FLT1: variants seen among roughly 807,000 people sequenced by gnomAD.
FLT1 encodes the protein fms related receptor tyrosine kinase 1.
In FLT1, 49 loss-of-function variants were observed where a neutral mutation model predicts 156.3. The ratio of observed to expected loss-of-function variants is 0.31; its 90% confidence interval spans 0.25 to 0.40. The LOEUF (loss-of-function observed/expected upper bound fraction) is 0.40, where lower values mean the gene tolerates loss of function less well. Among genes scored for constraint, FLT1 ranks in the 10% least tolerant of loss-of-function variants. FLT1 has a pLI of 1.00. For missense variants in FLT1, 1,322 were observed against 1,637.2 expected (o/e 0.81, Z 3.32); for synonymous variants, 594 against 583.8 (o/e 1.02, Z -0.25).
At chr13:28,340,369 C>T (rs1253690057) in intron 16 of FLT1, among the ~76,000 whole-genome samples, 1 of 152,088 alleles carries the variant, frequency 6.6e-6, no homozygotes, top group Admixed American at 6.5e-5. Flanking sequence ...CTTGGTAATG[C>T]AAATCAAGCC....
intron 28 of FLT1, among the ~76,000 whole-genome samples, chr13:28,307,226 C>T (rs771231603): frequency 6.6e-6 from 1 of 152,108 alleles, no homozygotes; most frequent in Non-Finnish European, 1.5e-5. Flanking sequence ...CAGCCCCCAG[C>T]CCTTGGTCAT....
At chr13:28,469,903 A>T (rs1200229499) in intron 1 of FLT1, among the ~76,000 whole-genome samples, 1 of 151,992 alleles carries the variant, frequency 6.6e-6, no homozygotes, top group Non-Finnish European at 1.5e-5. Context: ...ACAGGTGCGC[A>T]TCATCAGCGT....
intron 13 of FLT1, chr13:28,386,040 A>G (rs1874342672): frequency 1.9e-6 from 2 of 1,053,616 alleles, no homozygotes; most frequent in East Asian, 1.1e-4. Flanking sequence ...AAATCAAAAG[A>G]GTTTTGGCAT....
chr13:28,373,520 G>T (rs1873712874), intron 14 of FLT1, among the ~76,000 whole-genome samples: 1 of 152,100 alleles, frequency 6.6e-6, no homozygotes, highest in African/African-American at 2.4e-5. Context: ...GCCACTTTAG[G>T]TCCTGATTAA....
At chr13:28,441,767 C>A (rs1301017277) in intron 3 of FLT1, among the ~76,000 whole-genome samples, 1 of 152,056 alleles carries the variant, frequency 6.6e-6, no homozygotes, top group Non-Finnish European at 1.5e-5. Flanking sequence ...ATAGCAAGAT[C>A]CCTTCTCTGC....
intron 3 of FLT1, among the ~76,000 whole-genome samples, chr13:28,451,094 T>C (rs1827264914): frequency 6.6e-6 from 1 of 152,168 alleles, no homozygotes; most frequent in Non-Finnish European, 1.5e-5. Flanking sequence ...TGTAAGGTGC[T>C]GAGGACTTTT....
chr13:28,311,188 C>T (rs1025056723), intron 27 of FLT1, among the ~76,000 whole-genome samples: 1 of 152,174 alleles, frequency 6.6e-6, no homozygotes, highest in Non-Finnish European at 1.5e-5. Flanking sequence ...AACTCCTAGG[C>T]TCAAGTGATC....
rs770939728 is a variant in FLT1 at position 28,431,180 on chromosome 13, C to T, written c.944G>A (p.Ser315Asn). ...DKGLYTCRVR[S>N]GPSFKSVNTS... is the part of the protein sequence containing the mutation. ...GTTAACAGATTTGAATGATGGTCCA[C>T]TCCTTACACGACAAGTATAAAGTCC... The change falls in exon 7 of 30, where the codon AGT (serine) becomes AAT (asparagine). Residue 315 changes from serine (S) to asparagine (N), a missense_variant. Coordinates refer to ENST00000282397, the MANE Select transcript of FLT1 (RefSeq NM_002019.4). 13 of 1,613,936 alleles carry T rather than the reference C, an allele frequency of 8.1e-6. No individual in the cohort carries two copies. The highest frequency in any genetic ancestry group is 1.6e-4 in the Middle Eastern group (1 of 6,062).
Position 28,451,359 on chromosome 13 carries a change from G to GT in FLT1, c.389-13015dup, listed in dbSNP as rs566438771. ...AATCGCTTCAACCTGGGAGACAGAG[G>GT]TTGCAGTGAGCTGAGATCGTGCCAC... On this transcript the variant is annotated intron_variant, in intron 3 of 29. Coordinates refer to ENST00000282397, the MANE Select transcript of FLT1 (RefSeq NM_002019.4). 1.3e-4 allele frequency among the ~76,000 whole-genome samples: 20 copies of GT among 152,372 alleles called. No individual in the cohort carries two copies. In the South Asian group the frequency reaches 4.1e-3, roughly 32 times the overall value.
At position 28,439,272 on chromosome 13, in the gene FLT1, G is replaced by A. The variant is rs146786672; in HGVS notation, c.389-927C>T. ...CTTCGGGAGTCATTGTGTTCTGATC[G>A]TCCCGCATTTGTTCCAGCCTTATAT... is the stretch of plus-strand genomic sequence containing the variant. On this transcript the variant is annotated intron_variant, in intron 3 of 29. Coordinates refer to ENST00000282397, the MANE Select transcript of FLT1 (RefSeq NM_002019.4). The surrounding 1 kb of genome is among the most constrained non-coding windows in gnomAD (Gnocchi z 4.1). 2.9e-4 allele frequency among the ~76,000 whole-genome samples: 44 copies of A among 152,210 alleles called. No homozygotes were observed. The East Asian group carries it at 3.1e-3, about 11-fold the overall frequency.
chr13:28,359,284 G>T (rs1873022054), intron 14 of FLT1, among the ~76,000 whole-genome samples: 1 of 152,180 alleles, frequency 6.6e-6, no homozygotes, highest in Admixed American at 6.5e-5. Flanking sequence ...ACACAATGGG[G>T]AAAGGACAGT....
chr13:28,312,540 A>G (rs1871048129), intron 25 of FLT1, among the ~76,000 whole-genome samples: 1 of 152,228 alleles, frequency 6.6e-6, no homozygotes, highest in African/African-American at 2.4e-5. Context: ...ACAGCCATAA[A>G]TATCAATGGC....
chr13:28,481,118 G>A (rs916060210), intron 1 of FLT1, among the ~76,000 whole-genome samples: 1 of 152,176 alleles, frequency 6.6e-6, no homozygotes, highest in Admixed American at 6.5e-5. Flanking sequence ...GGCTCTGTTG[G>A]TGTACCTAGA....
At position 28,304,510 on chromosome 13, in the gene FLT1, GTTT is replaced by G. The variant is rs373993107; in HGVS notation, c.3816-1145_3816-1143del. Among the ~76,000 whole-genome samples the G allele has an allele frequency of 2.1e-5, 3 of 144,746 alleles. No individual in the cohort carries two copies. The Admixed American group carries it at 2.1e-4, about 10-fold the overall frequency. 95.0% of individuals were successfully genotyped at this position (144,746 alleles called of 152,430 possible). Reference sequence around the variant, plus strand: ...ACCCATATCTGCCCACCTGTCTGGTGTTTTTTTTTTTAATGAGAGCTTTATGGA... The same window carrying G: ...ACCCATATCTGCCCACCTGTCTGGTGTTTTTTTTAATGAGAGCTTTATGGA... On this transcript the variant is annotated intron_variant, in intron 29 of 29. Coordinates refer to ENST00000282397, the MANE Select transcript of FLT1 (RefSeq NM_002019.4).
intron 18 of FLT1, among the ~76,000 whole-genome samples, chr13:28,333,194 G>A (rs1036042277): frequency 4.6e-5 from 7 of 152,180 alleles, no homozygotes; most frequent in African/African-American, 9.7e-5. Context: ...CTAGGTACCC[G>A]TGTAGTTGGA....
At chr13:28,378,401 T>C (rs1593723511) in intron 14 of FLT1, among the ~76,000 whole-genome samples, 1 of 152,216 alleles carries the variant, frequency 6.6e-6, no homozygotes. Flanking sequence ...TTTAAATACA[T>C]GTTTATTGGT....
chr13:28,474,824 TG>T (rs1158270222), intron 1 of FLT1, among the ~76,000 whole-genome samples: 1 of 152,226 alleles, frequency 6.6e-6, no homozygotes, highest in African/African-American at 2.4e-5. Flanking sequence ...AGTCATATTT[TG>T]GGGTGTCATA....
At chr13:28,334,420 G>A (rs1416282576) in intron 17 of FLT1, among the ~76,000 whole-genome samples, 1 of 152,160 alleles carries the variant, frequency 6.6e-6, no homozygotes, top group Non-Finnish European at 1.5e-5. Flanking sequence ...TAGGAGAGAT[G>A]GGACCAAGTC....
chr13:28,333,192 C>T (rs2138844643), intron 18 of FLT1, among the ~76,000 whole-genome samples: 1 of 152,292 alleles, frequency 6.6e-6, no homozygotes, highest in East Asian at 1.9e-4. Context: ...TACTAGGTAC[C>T]CGTGTAGTTG....
Sources: gnomAD v4.1 joint callset for allele counts (sites outside exome capture counted in the v4.1 genomes callset) on GRCh38, gnomAD v4.1.1 for gene constraint, Gnocchi (gnomAD v3.1) non-coding constraint, MANE v1.5 for transcripts, NCBI Gene and HGNC (gene_info 2026-07-23, HGNC 2026-07-21) for gene names.